Variants in NR3C2 observed in about 807,000 individuals in gnomAD.
The protein encoded by NR3C2 is nuclear receptor subfamily 3 group C member 2.
NR3C2 carries 15 observed loss-of-function variants against 86.4 expected under a neutral mutation model. The observed-to-expected ratio is 0.17, with a 90% CI of 0.12 to 0.27. The LOEUF (loss-of-function observed/expected upper bound fraction) is 0.27. Among genes scored for constraint, NR3C2 ranks in the 10% least tolerant of loss-of-function variants. NR3C2 has a pLI of 1.00. For missense variants in NR3C2, 960 were observed against 1,195.6 expected, an observed-to-expected ratio of 0.80 and a Z score of 2.91; for synonymous variants, 458 against 450.5, an observed-to-expected ratio of 1.02 and a Z score of -0.21.
intron 2 of NR3C2, among the ~76,000 whole-genome samples, chr4:148,355,408 T>C (rs1431757225): frequency 6.6e-6 from 1 of 152,204 alleles, no homozygotes; most frequent in Non-Finnish European, 1.5e-5. Context: ...CAGTCTCTCT[T>C]TTGCCCAGAA....
At chr4:148,207,692 T>C (rs1194726427) in intron 3 of NR3C2, among the ~76,000 whole-genome samples, 1 of 152,136 alleles carries the variant, frequency 6.6e-6, no homozygotes, top group Admixed American at 6.5e-5. Context: ...ACAAAAATTA[T>C]CTCACAGGGG....
At chr4:148,390,015 A>G (rs1579240468) in intron 2 of NR3C2, among the ~76,000 whole-genome samples, 2 of 152,072 alleles carry the variant, frequency 1.3e-5, no homozygotes, top group African/African-American at 4.8e-5. Context: ...GACTGATAGG[A>G]ATATGATAAA....
At chr4:148,209,463 G>A (rs964832232) in intron 3 of NR3C2, among the ~76,000 whole-genome samples, 1 of 151,998 alleles carries the variant, frequency 6.6e-6, no homozygotes, top group East Asian at 1.9e-4. Flanking sequence ...GATGTTTTTT[G>A]CGGGGTGGGT....
intron 2 of NR3C2, among the ~76,000 whole-genome samples, chr4:148,341,727 A>G (rs549860323): frequency 2.0e-5 from 3 of 152,304 alleles, no homozygotes; most frequent in African/African-American, 7.2e-5. Context: ...ACATAGGTAC[A>G]GCTCTTATGC....
intron 2 of NR3C2, among the ~76,000 whole-genome samples, chr4:148,338,807 G>C (rs912935195): frequency 6.6e-6 from 1 of 152,120 alleles, no homozygotes. Flanking sequence ...GGTTCTAAAA[G>C]TTAGGAATTA....
In NR3C2 at chr4:148,377,879, G is replaced by A. The variant is rs1018262081; in HGVS notation, c.1757+57225C>T. 1.2e-4 allele frequency among the ~76,000 whole-genome samples: 18 copies of A among 152,290 alleles called. No individual in the cohort carries two copies. In the East Asian group the frequency reaches 3.5e-3, roughly 29 times the overall value. ...AAGCATTAGGGCCTCCCAGTTCCCG[G>A]GAGACAGCAGAACCTGAGAAAGAAA... On this transcript the variant is annotated intron_variant, in intron 2 of 8. Coordinates refer to ENST00000358102, the MANE Select transcript of NR3C2 (RefSeq NM_000901.5).
At chr4:148,228,317 A>T (rs1294742621) in intron 3 of NR3C2, among the ~76,000 whole-genome samples, 2 of 152,004 alleles carry the variant, frequency 1.3e-5, no homozygotes, top group Non-Finnish European at 2.9e-5. Flanking sequence ...TGCTTTTTCC[A>T]GTGACAGTAC....
At chr4:148,247,584 A>G (rs1277059330) in intron 3 of NR3C2, among the ~76,000 whole-genome samples, 1 of 151,672 alleles carries the variant, frequency 6.6e-6, no homozygotes, top group Non-Finnish European at 1.5e-5. Flanking sequence ...AAAAAATAGA[A>G]GCACACTGCT....
chr4:148,370,935 T>C (rs1274168326), intron 2 of NR3C2, among the ~76,000 whole-genome samples: 1 of 152,136 alleles, frequency 6.6e-6, no homozygotes, highest in East Asian at 1.9e-4. Flanking sequence ...GGAGCAATCA[T>C]GGCTCACTGC....
chr4:148,162,675 G>A (rs746780852), intron 4 of NR3C2, among the ~76,000 whole-genome samples: 2 of 152,206 alleles, frequency 1.3e-5, no homozygotes, highest in Non-Finnish European at 2.9e-5. Context: ...GGACTGCGTC[G>A]CATGGGGCTG....
chr4:148,319,034 A>G (rs951984848), intron 2 of NR3C2, among the ~76,000 whole-genome samples: 1 of 151,888 alleles, frequency 6.6e-6, no homozygotes, highest in Admixed American at 6.5e-5. Context: ...TCTTTAATCA[A>G]TCTTGAATTG....
rs1730500340 is a variant in NR3C2, at chr4:148,080,605, C to T, written c.*739G>A. On this transcript the variant is annotated 3_prime_UTR_variant, in exon 9 of 9. Coordinates refer to ENST00000358102, the MANE Select transcript of NR3C2 (RefSeq NM_000901.5). ...TACAAAAGATCCTTATACCTTATTT[C>T]AGGTCCTTCATAATTTATACATACA... The T allele has an allele frequency of 6.3e-6, 1 of 159,202 alleles. No homozygotes were observed. Among genetic ancestry groups the T allele is most frequent in the African/African-American group, 2.4e-5 (1 of 41,706 alleles). 9.9% of individuals were successfully genotyped at this position (159,202 alleles called of 1,614,324 possible). A position where few individuals can be genotyped will look rare whatever the true frequency, so the allele number is the denominator to read the frequency against.
intron 2 of NR3C2, among the ~76,000 whole-genome samples, chr4:148,395,718 G>A (rs1252040972): frequency 6.6e-6 from 1 of 152,110 alleles, no homozygotes; most frequent in Admixed American, 6.5e-5. Context: ...GTTATGTTGA[G>A]CTATACAAGC....
intron 3 of NR3C2, among the ~76,000 whole-genome samples, chr4:148,240,671 T>C (rs1470037098): frequency 2.3e-4 from 35 of 152,188 alleles, no homozygotes; most frequent in Admixed American, 2.2e-3. Flanking sequence ...CTCCCCATTA[T>C]AGGAACAGAA....
chr4:148,335,672 T>TC (rs1283069801), intron 2 of NR3C2, among the ~76,000 whole-genome samples: 1 of 152,064 alleles, frequency 6.6e-6, no homozygotes, highest in African/African-American at 2.4e-5. Flanking sequence ...GCTGCCCTCC[T>TC]CACTACACAG....
At chr4:148,137,748 C>G (rs533149086) in intron 6 of NR3C2, among the ~76,000 whole-genome samples, 1 of 152,178 alleles carries the variant, frequency 6.6e-6, no homozygotes, top group African/African-American at 2.4e-5. Flanking sequence ...CTCTTTTTTC[C>G]AACTAAGTAT....
At chr4:148,208,463 C>T (rs749995772) in intron 3 of NR3C2, 1 of 152,226 alleles carries the variant, frequency 6.6e-6, no homozygotes, top group Non-Finnish European at 1.5e-5. Context: ...GTGCCTCATT[C>T]CCCTGTGTCC....
intron 8 of NR3C2, among the ~76,000 whole-genome samples, chr4:148,090,028 G>GAATT (rs1274541545): frequency 1.3e-5 from 2 of 152,226 alleles, no homozygotes; most frequent in Non-Finnish European, 2.9e-5. Flanking sequence ...CACATTTCTA[G>GAATT]AATTAAGCCT....
intron 6 of NR3C2, among the ~76,000 whole-genome samples, chr4:148,130,814 GTTTTGTTTTTTTTT>G (rs1304352113): frequency 5.2e-5 from 4 of 77,054 alleles, no homozygotes; most frequent in Admixed American, 1.5e-4. Flanking sequence ...GTTTTGTTTT[GTTTTGTTTTTTTTT>G]TTTTTTTTTT....
Sources: gnomAD v4.1 joint callset for allele counts (sites outside exome capture counted in the v4.1 genomes callset) on GRCh38, gnomAD v4.1.1 for gene constraint, MANE v1.5 for transcripts, NCBI Gene and HGNC (gene_info 2026-07-23, HGNC 2026-07-21) for gene names.